Variants in PREP observed in about 807,000 individuals in gnomAD.
The protein encoded by PREP is dJ355L5.1 (prolyl endopeptidase).
A neutral mutation model predicts 87.6 loss-of-function variants in PREP; 29 were observed. The ratio of observed to expected loss-of-function variants is 0.33; its 90% confidence interval spans 0.25 to 0.45. PREP has a LOEUF of 0.45. PREP is among the 20% of genes least tolerant of loss of function. PREP has a pLI of 1.00. For synonymous variants in PREP, 337 were observed against 328.6 expected (o/e 1.03, Z -0.28); for missense variants, 695 against 886.5 (o/e 0.78, Z 2.74).
chr6:105,322,963 T>C (rs1365045966), intron 10 of PREP: 1 of 1,286,110 alleles, frequency 7.8e-7, no homozygotes, highest in Non-Finnish European at 1.0e-6. Flanking sequence ...ATCTGTGGCC[T>C]GTGTGGTCCA....
rs779793091 is a variant in PREP, at chr6:105,378,073, C to T, written c.121-554G>A. Among the ~76,000 whole-genome samples, 10 of 152,188 alleles carry T rather than the reference C, an allele frequency of 6.6e-5. No individual in the cohort carries two copies. The South Asian group carries it at 8.3e-4, about 13-fold the overall frequency. ...AGAGAGAAAGTTAGGGATACCCAGGCGCTATTTTATCGATTTTGGCTTTGT... is the reference window on the plus strand; with the variant it reads ...AGAGAGAAAGTTAGGGATACCCAGGTGCTATTTTATCGATTTTGGCTTTGT... On this transcript the variant is annotated intron_variant, in intron 2 of 14. Transcript: ENST00000652536.
chr6:105,352,498 G>A (rs1771985109), intron 7 of PREP, among the ~76,000 whole-genome samples: 1 of 152,104 alleles, frequency 6.6e-6, no homozygotes, highest in South Asian at 2.1e-4. Flanking sequence ...CCTTGCCTGT[G>A]ACAGTTTGCA....
chr6:105,377,513 CA>C lies in PREP; in HGVS notation c.126del (p.Phe42LeufsTer26). ...EDPDSEQTKA[F>X]VEAQNKITVP... ...ACAGTAATCTTATTCTGGGCCTCCA[CA>C]AAGGCCTGTGGAGAAATTAAAATGG... On this transcript the variant is annotated frameshift_variant, in exon 3 of 15. Coordinates refer to ENST00000652536, the MANE Select transcript of PREP (RefSeq NM_002726.5). LOFTEE classifies it high-confidence loss of function. 1.2e-6 allele frequency: 2 copies of C among 1,612,512 alleles called. No individual in the cohort carries two copies. The highest frequency in any genetic ancestry group is 8.5e-7 in the Non-Finnish European group (1 of 1,179,632).
At chr6:105,338,829 G>A (rs930162637) in intron 7 of PREP, among the ~76,000 whole-genome samples, 6 of 152,242 alleles carry the variant, frequency 3.9e-5, no homozygotes, top group East Asian at 1.9e-4. Context: ...AGGCGGAAGC[G>A]AGGCTGGGGA....
chr6:105,282,669 T>G, intron 12 of PREP, 87 bp from the exon 13 acceptor site: 1 of 1,440,602 alleles, frequency 6.9e-7, no homozygotes. Context: ...TAGAGCACGG[T>G]TTCAAATACT....
At chr6:105,396,227 T>C (rs1053094027) in intron 2 of PREP, among the ~76,000 whole-genome samples, 1 of 152,218 alleles carries the variant, frequency 6.6e-6, no homozygotes, top group Non-Finnish European at 1.5e-5. Context: ...AGAAAGAATG[T>C]AGGATTGCAG....
At chr6:105,325,821 T>C (rs1280819324) in intron 9 of PREP, among the ~76,000 whole-genome samples, 2 of 152,134 alleles carry the variant, frequency 1.3e-5, no homozygotes, top group Non-Finnish European at 2.9e-5. Context: ...AGGTGATCGC[T>C]AGGAAATAAA....
intron 7 of PREP, among the ~76,000 whole-genome samples, chr6:105,340,720 A>G (rs1771623024): frequency 6.6e-6 from 1 of 152,228 alleles, no homozygotes; most frequent in Non-Finnish European, 1.5e-5. Context: ...ATGGAAAACA[A>G]AAAAAGCAGG....
Position 105,330,675 on chromosome 6 carries a change from A to AG in PREP, c.1016-1650dup, listed in dbSNP as rs904135882. 9.2e-4 allele frequency among the ~76,000 whole-genome samples: 139 copies of AG among 151,800 alleles called. 2 individuals are homozygous for AG. The Middle Eastern group carries it at 0.024, about 26-fold the overall frequency. On this transcript the variant is annotated intron_variant, in intron 8 of 14. Coordinates refer to ENST00000652536, the MANE Select transcript of PREP (RefSeq NM_002726.5). ...AAGCCTTTCTTGGGTTTCATGTGGA[A>AG]GGGGGGGGTTCTTGACACTGCTTAT...
chr6:105,380,141 G>C (rs1328334216), intron 2 of PREP, among the ~76,000 whole-genome samples: 2 of 152,202 alleles, frequency 1.3e-5, no homozygotes, highest in African/African-American at 4.8e-5. Context: ...CTGGGAAAGA[G>C]GGCACCTAAT....
intron 7 of PREP, among the ~76,000 whole-genome samples, chr6:105,340,147 G>A (rs1239559510): frequency 2.6e-5 from 4 of 152,150 alleles, no homozygotes; most frequent in African/African-American, 9.7e-5. Context: ...AGAGAGAAAG[G>A]TCGGGTAACC....
intron 10 of PREP, among the ~76,000 whole-genome samples, chr6:105,315,331 T>C (rs373428257): frequency 9.3e-4 from 142 of 152,216 alleles, no homozygotes; most frequent in African/African-American, 3.3e-3. Context: ...GCTTGGCTAA[T>C]TTTTAAATTT....
intron 1 of PREP, among the ~76,000 whole-genome samples, chr6:105,402,040 A>G (rs889085855): frequency 1.3e-5 from 2 of 152,220 alleles, no homozygotes; most frequent in African/African-American, 4.8e-5. Flanking sequence ...TCTGCCCAGA[A>G]TTCCGCCTAC....
chr6:105,303,565 C>T (rs1328054857), intron 10 of PREP, among the ~76,000 whole-genome samples: 1 of 152,120 alleles, frequency 6.6e-6, no homozygotes, highest in Admixed American at 6.5e-5. Flanking sequence ...GTTTGACCTC[C>T]TCCTCCCTCC....
chr6:105,385,279 G>A (rs1346553658), intron 2 of PREP, among the ~76,000 whole-genome samples: 1 of 131,068 alleles, frequency 7.6e-6, no homozygotes, highest in Non-Finnish European at 1.5e-5. Flanking sequence ...TCCTAGATCT[G>A]CTTTAAAAAA....
chr6:105,316,891 A>G (rs1770884210), intron 10 of PREP, among the ~76,000 whole-genome samples: 1 of 152,038 alleles, frequency 6.6e-6, no homozygotes, highest in African/African-American at 2.4e-5. Flanking sequence ...AGATACTTAC[A>G]TGGTGTAGAA....
chr6:105,335,933 C>A (rs1771465670), intron 7 of PREP, among the ~76,000 whole-genome samples: 1 of 152,002 alleles, frequency 6.6e-6, no homozygotes, highest in Admixed American at 6.6e-5. Context: ...ACTATCAGTA[C>A]CTTCCCCTTA....
chr6:105,288,528 C>T (rs190487225), intron 11 of PREP, among the ~76,000 whole-genome samples: 9 of 152,170 alleles, frequency 5.9e-5, no homozygotes, highest in African/African-American at 9.6e-5. Flanking sequence ...TAATATTTTT[C>T]GTATTTTTAG....
At chr6:105,355,659 C>T (rs1295595762) in intron 6 of PREP, among the ~76,000 whole-genome samples, 5 of 152,126 alleles carry the variant, frequency 3.3e-5, no homozygotes, top group Admixed American at 2.0e-4. Flanking sequence ...ACATTTTTGG[C>T]CACTTGTGTC....
Sources: allele counts gnomAD v4.1 joint callset (sites outside exome capture counted in the v4.1 genomes callset), GRCh38; gene constraint gnomAD v4.1.1; transcripts MANE v1.5; gene names NCBI Gene and HGNC (gene_info 2026-07-23, HGNC 2026-07-21).